The following NAV3 variants were observed in gnomAD, a reference collection of about 807,000 sequenced individuals.
NAV3 encodes the protein pore membrane and/or filament interacting like protein 1.
Under a neutral mutation model 244.7 loss-of-function variants are expected in NAV3, and 87 were observed. That is an observed-to-expected ratio of 0.36 (90% CI 0.30 to 0.42). NAV3 has a LOEUF of 0.42. Ranked by LOEUF, NAV3 falls within the 20% of genes least tolerant of loss-of-function variation. The pLI is 1.00. For synonymous variants in NAV3, 1,126 were observed against 1,042.2 expected, an observed-to-expected ratio of 1.08 and a Z score of -1.55; for missense variants, 2,663 against 2,893.3, an observed-to-expected ratio of 0.92 and a Z score of 1.83.
chr12:77,819,875 C>T (rs553432808), intron 2 of NAV3, among the ~76,000 whole-genome samples: 2 of 152,024 alleles, frequency 1.3e-5, no homozygotes, highest in Non-Finnish European at 2.9e-5. Flanking sequence ...TTCGTAAAAC[C>T]AATAAGCAGG....
intron 2 of NAV3, among the ~76,000 whole-genome samples, chr12:77,684,992 A>G (rs1354293561): frequency 1.3e-5 from 2 of 152,136 alleles, no homozygotes; most frequent in Non-Finnish European, 2.9e-5. Flanking sequence ...CCATTGGTCT[A>G]TTCATGTATC....
chr12:77,878,927 T>C (rs1354261395), intron 1 of NAV3, among the ~76,000 whole-genome samples: 1 of 152,202 alleles, frequency 6.6e-6, no homozygotes, highest in Admixed American at 6.5e-5. Flanking sequence ...TCCAGTAAGA[T>C]GTTTATAGGA....
At chr12:77,746,654 T>C (rs746276647) in intron 2 of NAV3, among the ~76,000 whole-genome samples, 1 of 152,070 alleles carries the variant, frequency 6.6e-6, no homozygotes, top group Non-Finnish European at 1.5e-5. Context: ...ATTATAACAT[T>C]TGATATAGCT....
chr12:78,181,098 G>C, intron 30 of NAV3, 53 bp downstream of exon 30: 1 of 1,545,936 alleles, frequency 6.5e-7, no homozygotes, highest in Non-Finnish European at 8.8e-7. Context: ...GAGTTAACGG[G>C]TGGGAAGCCT....
chr12:78,047,536 C>A (rs1242026147), intron 9 of NAV3, among the ~76,000 whole-genome samples: 2 of 151,924 alleles, frequency 1.3e-5, no homozygotes, highest in Non-Finnish European at 2.9e-5. Context: ...GAATATTGGC[C>A]CTCACTCCCT....
At chr12:77,894,780 C>T (rs1324914383) in intron 1 of NAV3, among the ~76,000 whole-genome samples, 1 of 152,136 alleles carries the variant, frequency 6.6e-6, no homozygotes, top group Non-Finnish European at 1.5e-5. Context: ...AAAGCTCCCG[C>T]TCATTGCTGA....
upstream of NAV3, among the ~76,000 whole-genome samples, chr12:77,827,434 T>A (rs564614208): frequency 1.3e-5 from 2 of 152,152 alleles, no homozygotes; most frequent in African/African-American, 4.8e-5. Flanking sequence ...CTTATTTTTT[T>A]AAATTACTGA....
chr12:77,678,277 A>C (rs1874295439), intron 2 of NAV3, among the ~76,000 whole-genome samples: 1 of 152,186 alleles, frequency 6.6e-6, no homozygotes, highest in African/African-American at 2.4e-5. Context: ...ATTGGAGCAG[A>C]ATATTTTACC....
intron 2 of NAV3, among the ~76,000 whole-genome samples, chr12:77,612,993 T>C (rs1188485716): frequency 1.3e-5 from 2 of 152,110 alleles, no homozygotes; most frequent in African/African-American, 4.8e-5. Context: ...ATGTATTTAC[T>C]TCCCCTTCCG....
At chr12:77,661,895 T>A (rs180887033) in intron 2 of NAV3, among the ~76,000 whole-genome samples, 1 of 152,196 alleles carries the variant, frequency 6.6e-6, no homozygotes, top group Non-Finnish European at 1.5e-5. Flanking sequence ...TACATGTACA[T>A]AGAACAAAAT....
chr12:77,723,053 T>G (rs1003605047), intron 2 of NAV3, among the ~76,000 whole-genome samples: 1 of 151,962 alleles, frequency 6.6e-6, no homozygotes, highest in African/African-American at 2.4e-5. Flanking sequence ...GCCTTTTGGG[T>G]TTTTACTAAA....
chr12:77,806,153 G>A (rs1448048726), intron 2 of NAV3, among the ~76,000 whole-genome samples: 2 of 152,002 alleles, frequency 1.3e-5, no homozygotes, highest in African/African-American at 4.8e-5. Flanking sequence ...GGGTTTTTGT[G>A]TCTCTATCTC....
intron 5 of NAV3, among the ~76,000 whole-genome samples, chr12:77,976,601 ACTGT>A (rs1230247336): frequency 6.6e-6 from 1 of 151,214 alleles, no homozygotes. Flanking sequence ...ACATACATTT[ACTGT>A]CTCAATCCTC....
chr12:77,746,763 A>T (rs984878640), intron 2 of NAV3, among the ~76,000 whole-genome samples: 1 of 152,140 alleles, frequency 6.6e-6, no homozygotes, highest in African/African-American at 2.4e-5. Context: ...AGTTGAGGTG[A>T]TTCAAAGAAG....
At chr12:77,870,199 A>C (rs939438039) in intron 1 of NAV3, among the ~76,000 whole-genome samples, 4 of 151,770 alleles carry the variant, frequency 2.6e-5, no homozygotes, top group Non-Finnish European at 5.9e-5. Context: ...ACCCCGTCTC[A>C]ACTAAAAATA....
intron 2 of NAV3, among the ~76,000 whole-genome samples, chr12:77,766,864 C>G (rs961917052): frequency 6.8e-6 from 1 of 147,290 alleles, no homozygotes; most frequent in African/African-American, 2.5e-5. Flanking sequence ...AGCAATTCTT[C>G]CTGCCTCATC....
chr12:78,092,635 G>A (rs1033808157), intron 12 of NAV3, among the ~76,000 whole-genome samples: 1 of 151,584 alleles, frequency 6.6e-6, no homozygotes, highest in Non-Finnish European at 1.5e-5. Context: ...GAGTAGCTGG[G>A]ACTACAGGCG....
chr12:77,795,965 G>A (rs1217371362), intron 2 of NAV3, among the ~76,000 whole-genome samples: 4 of 152,208 alleles, frequency 2.6e-5, no homozygotes, highest in African/African-American at 7.2e-5. Context: ...CAGTAATTCC[G>A]CAGCTCTGAA....
intron 20 of NAV3, among the ~76,000 whole-genome samples, chr12:78,140,589 G>A (rs1252260544): frequency 1.3e-5 from 2 of 152,066 alleles, no homozygotes; most frequent in Admixed American, 6.5e-5. Flanking sequence ...TGTAGAATTC[G>A]ATTTCATAAA....
Sources: allele counts gnomAD v4.1 joint callset (sites outside exome capture counted in the v4.1 genomes callset), GRCh38; gene constraint gnomAD v4.1.1; transcripts MANE v1.5; gene names NCBI Gene and HGNC (gene_info 2026-07-23, HGNC 2026-07-21).